NAE1: variants seen among roughly 807,000 people sequenced by gnomAD.
NAE1 encodes the protein NEDD8-activating enzyme E1 regulatory subunit.
A neutral mutation model predicts 88.0 loss-of-function variants in NAE1; 59 were observed. The observed-to-expected ratio is 0.67, with a 90% CI of 0.54 to 0.83. The LOEUF (loss-of-function observed/expected upper bound fraction) is 0.83, where lower values mean the gene tolerates loss of function less well. NAE1 is among the 40% of genes least tolerant of loss of function. NAE1 has a pLI of 0.00. For synonymous variants in NAE1, 186 were observed against 208.9 expected (o/e 0.89, Z 0.95); for missense variants, 554 against 632.8 (o/e 0.88, Z 1.34).
chr16:66,814,102 A>G (rs1205639391), intron 11 of NAE1, among the ~76,000 whole-genome samples: 1 of 152,196 alleles, frequency 6.6e-6, no homozygotes, highest in Non-Finnish European at 1.5e-5. Context: ...GGGGTAAAGA[A>G]GGGGCCCCAG....
Position 66,805,817 on chromosome 16 carries a change from A to AT in NAE1, c.1454dup (p.Tyr485Ter). The part of the protein sequence containing the change: ...KDDYVHEFCR[Y>*]GAAEPHTIAA... ...CAATGGTATGTGGCTCAGCAGCTCC[A>AT]TATCGGCAACTAAAGGAGACCACAG... Residue 485 changes from tyrosine (Y) to a stop codon, truncating the protein, a stop_gained and frameshift_variant, in exon 19 of 20, where the codon TAT becomes TAAT. Transcript: ENST00000290810. LOFTEE classifies it high-confidence loss of function. The AT allele has an allele frequency of 6.5e-7, 1 of 1,542,678 alleles. No homozygotes were observed.
chr16:66,804,920 C>T (rs1286932659), intron 19 of NAE1, among the ~76,000 whole-genome samples: 1 of 152,060 alleles, frequency 6.6e-6, no homozygotes, highest in Non-Finnish European at 1.5e-5. Flanking sequence ...GACTTCTAGC[C>T]TCCAGAACTC....
At chr16:66,810,458 G>C (rs1350409907) in intron 14 of NAE1, 45 bp from the exon 15 acceptor site, 1 of 1,532,800 alleles carries the variant, frequency 6.5e-7, no homozygotes, top group South Asian at 1.1e-5. Context: ...TAAAAGAGAA[G>C]ATTAACAAAG....
intron 13 of NAE1, among the ~76,000 whole-genome samples, chr16:66,811,796 A>C (rs968518995): frequency 6.6e-6 from 1 of 152,168 alleles, no homozygotes; most frequent in Non-Finnish European, 1.5e-5. Flanking sequence ...ACTTCTTTCT[A>C]TCCTCAATTG....
In NAE1 at chr16:66,813,836, C is replaced by T. The variant is rs1176938439; in HGVS notation, c.851G>A (p.Ser284Asn). The change falls in exon 12 of 20, where the codon AGT (serine) becomes AAT (asparagine). Residue 284 changes from serine to asparagine, a missense_variant. Physicochemically the swap from Ser to Asn is conservative, Grantham distance 46. Coordinates refer to ENST00000290810, the MANE Select transcript of NAE1 (RefSeq NM_003905.4). ...ATCATCATTAAATATATCTTCAATACTGCTTGGGATCTAACAAAGGAACAT... is the reference window on the plus strand; with the variant it reads ...ATCATCATTAAATATATCTTCAATATTGCTTGGGATCTAACAAAGGAACAT... ...TALNTTQIPS[S>N]IEDIFNDDRC... The T allele has an allele frequency of 1.2e-6, 2 of 1,613,286 alleles. No individual in the cohort carries two copies. The highest frequency in any genetic ancestry group is 1.3e-5 in the African/African-American group (1 of 75,028).
chr16:66,818,387 T>C, intron 8 of NAE1, 141 bp downstream of exon 8: 1 of 638,198 alleles, frequency 1.6e-6, no homozygotes. Context: ...GAAAACAAGG[T>C]AAAATACTGT....
chr16:66,803,365 CA>C (rs1349611654), intron 19 of NAE1, among the ~76,000 whole-genome samples: 1 of 152,082 alleles, frequency 6.6e-6, no homozygotes, highest in South Asian at 2.1e-4. Context: ...AAAAGATTCT[CA>C]AAGGACACCC....
At chr16:66,813,481 T>C (rs1250002725) in intron 13 of NAE1, 83 bp downstream of exon 13, 10 of 1,462,518 alleles carry the variant, frequency 6.8e-6, no homozygotes, top group Middle Eastern at 2.5e-4. Context: ...AAACTTTCAT[T>C]TGATTTCTGA....
chr16:66,818,633 T>G lies in NAE1; in HGVS notation c.516A>C (p.Ile172=). 6.3e-7 allele frequency: 1 copy of G among 1,598,648 alleles called. No individual in the cohort carries two copies. The highest frequency in any genetic ancestry group is 1.8e-5 in the Admixed American group (1 of 55,692). Residue 172 remains isoleucine (I), a synonymous_variant, in exon 8 of 20, where the codon ATA becomes ATC. Coordinates refer to ENST00000290810, the MANE Select transcript of NAE1 (RefSeq NM_003905.4). ...MRIIIKEHPV[I]ESHPDNALED... ...CTAATGCATTATCTGGATGAGATTC[T>G]ATTACTGTGAAACAAAGAATTCAAA...
At chr16:66,822,817 G>A (rs893678354) in intron 6 of NAE1, among the ~76,000 whole-genome samples, 25 of 149,850 alleles carry the variant, frequency 1.7e-4, no homozygotes, top group African/African-American at 6.1e-4. Context: ...CTATAGGCGT[G>A]AGCCACCACG....
chr16:66,813,921 T>C (rs1006510262), intron 11 of NAE1, 75 bp from the exon 12 acceptor site: 5 of 1,327,640 alleles, frequency 3.8e-6, no homozygotes, highest in Admixed American at 2.1e-5. Context: ...TGCTATTTCT[T>C]CAGATATGTT....
At chr16:66,827,332 GC>G (rs1007539866) in intron 1 of NAE1, 1 of 152,462 alleles carries the variant, frequency 6.6e-6, no homozygotes, top group Non-Finnish European at 1.5e-5. Context: ...ACTTTGGGAG[GC>G]CAAGGCAGGC....
chr16:66,803,036 T>C lies in NAE1; in HGVS notation c.1578A>G (p.Ser526=), dbSNP rs1222865023. ...FNNTYIYSGM[S]QTSATFQL ...ACAACTGGAAAGTTGCTGAAGTTTG[T>C]GACATGCCACTGTAAATGTAAGTAT... Residue 526 remains serine, a synonymous_variant, in exon 20 of 20, where the codon TCA becomes TCG. Coordinates refer to ENST00000290810, the MANE Select transcript of NAE1 (RefSeq NM_003905.4). 4 of 1,610,670 alleles carry C rather than the reference T, an allele frequency of 2.5e-6. No individual in the cohort carries two copies. The Admixed American group carries it at 5.0e-5, about 20-fold the overall frequency.
At chr16:66,815,688 T>G (rs529153977) in intron 11 of NAE1, among the ~76,000 whole-genome samples, 10 of 140,750 alleles carry the variant, frequency 7.1e-5, no homozygotes, top group Non-Finnish European at 1.1e-4. Context: ...TGAGACAGAG[T>G]CTCGCTCTTG....
At position 66,826,670 on chromosome 16, in the gene NAE1, A is replaced by G; in HGVS notation, c.157+7T>C. The G allele has an allele frequency of 2.5e-6, 4 of 1,613,798 alleles. No homozygotes were observed. Among genetic ancestry groups the G allele is most frequent in the South Asian group, 2.2e-5 (2 of 91,024 alleles). On this transcript the variant is annotated splice_region_variant and intron_variant, in intron 2 of 19. Transcript: ENST00000290810. ...ATATTTAGAACACAACCACAAACCT[A>G]CGTTACCTGGTAGTACCAAGTTTTT...
intron 4 of NAE1, 40 bp from the exon 5 acceptor site, chr16:66,823,640 C>A: frequency 6.5e-7 from 1 of 1,543,650 alleles, no homozygotes; most frequent in Non-Finnish European, 8.8e-7. Flanking sequence ...TTAGAAAAAA[C>A]TTGGTCACAA....
intron 10 of NAE1, 43 bp downstream of exon 10, chr16:66,816,922 G>T (rs779841034): frequency 3.3e-5 from 52 of 1,559,896 alleles, no homozygotes; most frequent in Non-Finnish European, 4.3e-5. Context: ...CTAGCAATTT[G>T]CTTTTCAAGC....
intron 7 of NAE1, among the ~76,000 whole-genome samples, chr16:66,820,244 G>C (rs778555945): frequency 2.0e-5 from 3 of 152,162 alleles, no homozygotes; most frequent in Non-Finnish European, 4.4e-5. Flanking sequence ...AGTCAATAAA[G>C]AGCACTGTTT....
chr16:66,820,673 G>A (rs1304836365), intron 7 of NAE1, among the ~76,000 whole-genome samples: 4 of 152,118 alleles, frequency 2.6e-5, no homozygotes, highest in African/African-American at 4.8e-5. Context: ...AGGCCAAGGC[G>A]GGCAGATCAC....
Sources: allele counts gnomAD v4.1 joint callset (sites outside exome capture counted in the v4.1 genomes callset), GRCh38; gene constraint gnomAD v4.1.1; transcripts MANE v1.5; gene names NCBI Gene and HGNC (gene_info 2026-07-23, HGNC 2026-07-21).